GRIK3: variants seen among roughly 807,000 people sequenced by gnomAD.
The protein encoded by GRIK3 is glutamate receptor ionotropic, kainate 3.
A neutral mutation model predicts 102.5 loss-of-function variants in GRIK3; 29 were observed. The observed-to-expected ratio is 0.28, with a 90% CI of 0.21 to 0.39. The LOEUF (loss-of-function observed/expected upper bound fraction) is 0.39, where lower values mean the gene tolerates loss of function less well. Ranked by LOEUF, GRIK3 falls within the 10% of genes least tolerant of loss-of-function variation. GRIK3 has a pLI of 1.00. For missense variants in GRIK3, 908 were observed against 1,252.4 expected (o/e 0.73, Z 4.15); for synonymous variants, 511 against 504.9 (o/e 1.01, Z -0.16).
chr1:37,022,463 C>A (rs1032310797), intron 1 of GRIK3, among the ~76,000 whole-genome samples: 1 of 152,202 alleles, frequency 6.6e-6, no homozygotes, highest in Non-Finnish European at 1.5e-5. Context: ...TCAAGAAATT[C>A]ATCATGATAG....
At chr1:36,989,517 C>T (rs773860061) in intron 1 of GRIK3, among the ~76,000 whole-genome samples, 1 of 152,230 alleles carries the variant, frequency 6.6e-6, no homozygotes, top group African/African-American at 2.4e-5. Context: ...TGCCGCCAAG[C>T]GCTCCTCCCG....
chr1:37,004,566 A>G (rs1642511802), intron 1 of GRIK3, among the ~76,000 whole-genome samples: 1 of 152,158 alleles, frequency 6.6e-6, no homozygotes, highest in African/African-American at 2.4e-5. Flanking sequence ...TTGAATCAAC[A>G]GGCTTTAAGT....
intron 1 of GRIK3, among the ~76,000 whole-genome samples, chr1:37,032,958 G>A (rs574175479): frequency 3.9e-5 from 6 of 152,178 alleles, no homozygotes; most frequent in Non-Finnish European, 8.8e-5. Flanking sequence ...TGGCTCGGCG[G>A]AGTCCGGCTC....
intron 1 of GRIK3, among the ~76,000 whole-genome samples, chr1:36,912,577 C>T (rs1464242756): frequency 6.6e-6 from 1 of 152,062 alleles, no homozygotes. Flanking sequence ...TAGCCCTCCT[C>T]ACAGGGCTTG....
chr1:36,974,338 G>A (rs1436572200), intron 1 of GRIK3, among the ~76,000 whole-genome samples: 1 of 152,078 alleles, frequency 6.6e-6, no homozygotes, highest in Non-Finnish European at 1.5e-5. Context: ...TATTAGTTAT[G>A]TACCTATGGG....
chr1:36,957,471 T>TGTGCCCC (rs1641930180), intron 1 of GRIK3, among the ~76,000 whole-genome samples: 1 of 102,836 alleles, frequency 9.7e-6, no homozygotes. Context: ...CTATGTGCTC[T>TGTGCCCC]GTGAGTCTGT....
chr1:36,816,817 C>T (rs1343669712), intron 13 of GRIK3, among the ~76,000 whole-genome samples: 2 of 152,224 alleles, frequency 1.3e-5, no homozygotes, highest in African/African-American at 4.8e-5. Context: ...AATCATAACA[C>T]ATTCACATTG....
chr1:36,939,340 G>T (rs554587063), intron 1 of GRIK3, among the ~76,000 whole-genome samples: 2 of 152,356 alleles, frequency 1.3e-5, no homozygotes, highest in South Asian at 4.1e-4. Context: ...AACAGAGAAA[G>T]ACCCTGGACT....
intron 1 of GRIK3, among the ~76,000 whole-genome samples, chr1:37,003,001 A>C (rs1162655570): frequency 6.9e-6 from 1 of 145,294 alleles, no homozygotes; most frequent in Non-Finnish European, 1.5e-5. Context: ...TTTTAAAATA[A>C]AGGGTTAATA....
intron 2 of GRIK3, among the ~76,000 whole-genome samples, chr1:36,885,641 T>A (rs1641029448): frequency 6.6e-6 from 1 of 152,080 alleles, no homozygotes; most frequent in Non-Finnish European, 1.5e-5. Flanking sequence ...CCCTTTCCTG[T>A]CTCCTCCATG....
chr1:37,014,802 T>A (rs1325949592), intron 1 of GRIK3, among the ~76,000 whole-genome samples: 1 of 151,910 alleles, frequency 6.6e-6, no homozygotes, highest in African/African-American at 2.4e-5. Flanking sequence ...GACTTGGTCA[T>A]CCCAGTAACA....
intron 13 of GRIK3, among the ~76,000 whole-genome samples, chr1:36,808,391 A>G (rs1396993316): frequency 3.9e-5 from 6 of 152,210 alleles, no homozygotes; most frequent in African/African-American, 1.2e-4. Context: ...ACTCTCCACA[A>G]AAGTGATGGG....
chr1:36,955,973 G>T (rs1022675176), intron 1 of GRIK3, among the ~76,000 whole-genome samples: 2 of 152,256 alleles, frequency 1.3e-5, no homozygotes, highest in South Asian at 4.1e-4. Context: ...GGTAGGTGAC[G>T]GTGAGGAAGA....
intron 1 of GRIK3, among the ~76,000 whole-genome samples, chr1:36,972,724 C>T (rs1295909418): frequency 6.6e-6 from 1 of 152,192 alleles, no homozygotes; most frequent in African/African-American, 2.4e-5. Flanking sequence ...GCAAGACAGG[C>T]ATTATTCTCA....
intron 1 of GRIK3, among the ~76,000 whole-genome samples, chr1:36,970,118 C>G (rs61497367): frequency 0.028 from 4,245 of 152,224 alleles, 174 homozygotes; most frequent in African/African-American, 0.096. Context: ...GTGTTAGCAG[C>G]CACCAAAGGT....
chr1:36,802,009 A>G lies in GRIK3; in HGVS notation c.2602T>C (p.Phe868Leu). ...ACTCGACGCTGGCAGGTAAGGGAGA[A>G]ACGGATCTCATCGGCCACGGTGCTG... Reference protein sequence around the residue: ...FCSTVADEIRFSLTCQRRVKH... With the variant: ...FCSTVADEIRLSLTCQRRVKH... Residue 868 changes from phenylalanine (F) to leucine (L), a missense_variant, in exon 16 of 16, where the codon TTC becomes CTC. By Grantham distance (22) the Phe-to-Leu change is conservative. Around this residue, in one of 3 missense-constraint regions of GRIK3, gnomAD observed 297 missense variants for 362.7 expected, o/e 0.82. Coordinates refer to ENST00000373091, the MANE Select transcript of GRIK3 (RefSeq NM_000831.4). 6.2e-7 allele frequency: 1 copy of G among 1,613,662 alleles called. No homozygotes were observed. The highest frequency in any genetic ancestry group is 1.3e-5 in the African/African-American group (1 of 75,054).
chr1:37,018,827 GAA>G (rs11295744), intron 1 of GRIK3, among the ~76,000 whole-genome samples: 3 of 150,734 alleles, frequency 2.0e-5, no homozygotes, highest in Middle Eastern at 3.4e-3. Flanking sequence ...TTGTCTCCAT[GAA>G]AAAAAAACTC....
chr1:36,893,577 C>A (rs929947964), intron 1 of GRIK3, among the ~76,000 whole-genome samples: 1 of 152,136 alleles, frequency 6.6e-6, no homozygotes, highest in African/African-American at 2.4e-5. Context: ...GAAAGAGATA[C>A]CTGCTTAACT....
chr1:36,946,966 A>C (rs1301483659), intron 1 of GRIK3, among the ~76,000 whole-genome samples: 1 of 152,154 alleles, frequency 6.6e-6, no homozygotes, highest in Non-Finnish European at 1.5e-5. Context: ...AGAAAGAAAC[A>C]CATGTGAGAT....
Sources: gnomAD v4.1 joint callset for allele counts (sites outside exome capture counted in the v4.1 genomes callset) on GRCh38, gnomAD v4.1.1 for gene constraint, gnomAD v4.1.1 regional missense constraint, MANE v1.5 for transcripts, NCBI Gene and HGNC (gene_info 2026-07-23, HGNC 2026-07-21) for gene names.